The following LIN28B variants were observed in gnomAD, a reference collection of about 807,000 sequenced individuals.
The protein encoded by LIN28B is lin-28 RNA binding posttranscriptional regulator B.
Under a neutral mutation model 21.9 loss-of-function variants are expected in LIN28B, and 5 were observed. The observed-to-expected ratio is 0.23, with a 90% CI of 0.12 to 0.48. LIN28B has a LOEUF of 0.48. Ranked by LOEUF, LIN28B falls within the 20% of genes least tolerant of loss-of-function variation. LIN28B has a pLI of 0.98. For synonymous variants in LIN28B, 109 were observed against 111.3 expected (o/e 0.98, Z 0.13); for missense variants, 245 against 310.5 (o/e 0.79, Z 1.58).
chr6:105,017,477 C>T (rs1200638879), intron 2 of LIN28B, among the ~76,000 whole-genome samples: 1 of 152,116 alleles, frequency 6.6e-6, no homozygotes, highest in African/African-American at 2.4e-5. Context: ...GAGCATTGTT[C>T]TAGGCATTGT....
intron 2 of LIN28B, among the ~76,000 whole-genome samples, chr6:104,980,727 C>T (rs1484103200): frequency 6.6e-6 from 1 of 152,028 alleles, no homozygotes; most frequent in South Asian, 2.1e-4. Flanking sequence ...TATTGGTGGT[C>T]ACTCATGTAT....
intron 3 of LIN28B, among the ~76,000 whole-genome samples, chr6:105,077,264 A>T (rs1029437334): frequency 1.6e-4 from 24 of 152,178 alleles, no homozygotes; most frequent in Non-Finnish European, 3.1e-4. Flanking sequence ...TTTGTGCTTC[A>T]TAAATGAGAT....
chr6:105,023,243 T>C (rs1771174004), intron 2 of LIN28B, among the ~76,000 whole-genome samples: 2 of 92,984 alleles, frequency 2.2e-5, no homozygotes, highest in African/African-American at 8.3e-5. Context: ...TATTATATTA[T>C]ATATTATTTA....
At chr6:105,049,586 A>G (rs1251810311) in intron 3 of LIN28B, among the ~76,000 whole-genome samples, 2 of 152,062 alleles carry the variant, frequency 1.3e-5, no homozygotes, top group Non-Finnish European at 1.5e-5. Context: ...TGATCTGTCT[A>G]ATGTGGACAG....
intron 3 of LIN28B, among the ~76,000 whole-genome samples, chr6:104,950,891 G>A (rs910492495): frequency 1.3e-5 from 2 of 152,088 alleles, no homozygotes; most frequent in Admixed American, 6.5e-5. Context: ...ATGCACTAAC[G>A]AATATCTGCT....
chr6:105,064,719 T>A (rs1772187484), intron 3 of LIN28B, among the ~76,000 whole-genome samples: 1 of 152,178 alleles, frequency 6.6e-6, no homozygotes, highest in Admixed American at 6.5e-5. Context: ...TTTACCTCCT[T>A]TTACCACACC....
At chr6:104,992,941 T>C (rs1770526029) in intron 2 of LIN28B, among the ~76,000 whole-genome samples, 1 of 152,184 alleles carries the variant, frequency 6.6e-6, no homozygotes, top group African/African-American at 2.4e-5. Context: ...CTTTGAATTA[T>C]TACTTTTTTA....
chr6:105,027,439 T>C (rs1324029041), intron 3 of LIN28B, among the ~76,000 whole-genome samples: 1 of 152,078 alleles, frequency 6.6e-6, no homozygotes, highest in African/African-American at 2.4e-5. Context: ...ATTTTTTTCT[T>C]CTAAGAATTG....
At chr6:104,946,912 A>G (rs962705553) in intron 2 of LIN28B, among the ~76,000 whole-genome samples, 1 of 152,216 alleles carries the variant, frequency 6.6e-6, no homozygotes, top group Non-Finnish European at 1.5e-5. Flanking sequence ...TCTGGAGATG[A>G]GAATAAGTAA....
intron 3 of LIN28B, among the ~76,000 whole-genome samples, chr6:105,058,289 T>A (rs776094882): frequency 6.6e-6 from 1 of 152,176 alleles, no homozygotes; most frequent in Non-Finnish European, 1.5e-5. Context: ...CACCACATAG[T>A]TGGGAGCAGA....
In LIN28B at chr6:105,061,617, A is replaced by G. The variant is rs543564176; in HGVS notation, c.384-16797A>G. ...TACCATTTATATATGGAGGTTTATA[A>G]TTAACAAAACATTTTAAAATATGTA... is the stretch of plus-strand genomic sequence containing the variant. On this transcript the variant is annotated intron_variant, in intron 3 of 3. Coordinates refer to ENST00000345080, the MANE Select transcript of LIN28B (RefSeq NM_001004317.4). 1.2e-4 allele frequency among the ~76,000 whole-genome samples: 18 copies of G among 150,826 alleles called. No homozygotes were observed. The East Asian group carries it at 3.6e-3, about 30-fold the overall frequency.
chr6:104,971,359 G>A (rs1769980881), intron 2 of LIN28B, among the ~76,000 whole-genome samples: 1 of 151,838 alleles, frequency 6.6e-6, no homozygotes, highest in African/African-American at 2.4e-5. Context: ...CAGTCTTATA[G>A]ATCTTAAAAG....
chr6:104,990,568 TA>T (rs1305164257), intron 2 of LIN28B, among the ~76,000 whole-genome samples: 67 of 107,298 alleles, frequency 6.2e-4, no homozygotes, highest in African/African-American at 1.8e-3. Flanking sequence ...TTTTATTTTT[TA>T]TTTTTTTTTT....
intron 2 of LIN28B, among the ~76,000 whole-genome samples, chr6:105,009,172 CTA>C (rs1770874051): frequency 6.6e-6 from 1 of 152,014 alleles, no homozygotes; most frequent in Non-Finnish European, 1.5e-5. Flanking sequence ...CCAGTAGAAA[CTA>C]TTCTGAAATC....
intron 3 of LIN28B, among the ~76,000 whole-genome samples, chr6:105,066,251 A>G (rs554499846): frequency 1.3e-5 from 2 of 152,344 alleles, no homozygotes; most frequent in African/African-American, 2.4e-5. Flanking sequence ...TCAGTCAGCC[A>G]TACACCAATA....
At chr6:104,952,296 T>C (rs552847313), upstream of LIN28B, among the ~76,000 whole-genome samples, 4 of 152,338 alleles carry the variant, frequency 2.6e-5, no homozygotes, top group South Asian at 8.3e-4. Flanking sequence ...AAAAATACTT[T>C]CATTTTGCAG....
chr6:104,960,817 T>C (rs775985841), intron 2 of LIN28B, among the ~76,000 whole-genome samples: 3 of 152,192 alleles, frequency 2.0e-5, no homozygotes, highest in Admixed American at 6.5e-5. Flanking sequence ...TATGTGTGTG[T>C]TTTAAAATTG....
chr6:105,058,374 G>T (rs1772061734), intron 3 of LIN28B, among the ~76,000 whole-genome samples: 1 of 152,154 alleles, frequency 6.6e-6, no homozygotes, highest in Non-Finnish European at 1.5e-5. Context: ...ATAGTTTTGG[G>T]CAGGGTTTCC....
At chr6:105,067,006 C>T (rs1033412299) in intron 3 of LIN28B, among the ~76,000 whole-genome samples, 1 of 152,114 alleles carries the variant, frequency 6.6e-6, no homozygotes, top group African/African-American at 2.4e-5. Flanking sequence ...TGCTTATTTA[C>T]AGCAGATGTC....
Sources: allele counts gnomAD v4.1 joint callset (sites outside exome capture counted in the v4.1 genomes callset), GRCh38; gene constraint gnomAD v4.1.1; transcripts MANE v1.5; gene names NCBI Gene and HGNC (gene_info 2026-07-23, HGNC 2026-07-21).